Variants in PCSK6 observed in about 807,000 individuals in gnomAD.
PCSK6 encodes the protein paired basic amino acid cleaving enzyme 4.
In PCSK6, 85 loss-of-function variants were observed where a neutral mutation model predicts 123.3. The observed-to-expected ratio is 0.69, with a 90% CI of 0.58 to 0.83. The LOEUF (loss-of-function observed/expected upper bound fraction) is 0.83, where lower values mean the gene tolerates loss of function less well. PCSK6 is among the 40% of genes least tolerant of loss of function. The pLI, the probability that PCSK6 is intolerant of heterozygous loss-of-function variation, is 0.00. For missense variants in PCSK6, 1,191 were observed against 1,282.3 expected (o/e 0.93, Z 1.09); for synonymous variants, 508 against 516.0 (o/e 0.98, Z 0.21).
At position 101,305,050 on chromosome 15, in the gene PCSK6, A is replaced by G. The variant is rs1370135762; in HGVS notation, c.*208T>C. Reference sequence around the variant, plus strand: ...TGTCGGAAGACTGGAGCCAACAAGCAGCATTTGAGAGGATATCACCATTTT... The same window carrying G: ...TGTCGGAAGACTGGAGCCAACAAGCGGCATTTGAGAGGATATCACCATTTT... On this transcript the variant is annotated 3_prime_UTR_variant, in exon 22 of 22. Transcript: ENST00000611716. The surrounding 1 kb of genome is among the most constrained non-coding windows in gnomAD (Gnocchi z 4.8). The G allele has an allele frequency of 3.7e-6, 2 of 539,940 alleles. No homozygotes were observed. The highest frequency in any genetic ancestry group is 3.0e-5 in the East Asian group (1 of 33,592). 33.4% of individuals were successfully genotyped at this position (539,940 alleles called of 1,614,324 possible).
intron 12 of PCSK6, 62 bp from the exon 13 acceptor site, chr15:101,366,394 G>C (rs1386183567): frequency 7.8e-6 from 12 of 1,539,190 alleles, no homozygotes; most frequent in Non-Finnish European, 2.6e-6. Context: ...GGGCGGAGGG[G>C]CTGGCACAAG....
chr15:101,354,466 A>G (rs1158210166), intron 13 of PCSK6, among the ~76,000 whole-genome samples: 1 of 152,276 alleles, frequency 6.6e-6, no homozygotes, highest in Non-Finnish European at 1.5e-5. Context: ...ACAAAGTGTA[A>G]AATCCCTGTC....
chr15:101,358,303 A>G (rs2041106720), intron 13 of PCSK6, among the ~76,000 whole-genome samples: 1 of 152,104 alleles, frequency 6.6e-6, no homozygotes, highest in Non-Finnish European at 1.5e-5. Flanking sequence ...TGCTACTAAG[A>G]TAAAAAAAAA....
chr15:101,336,439 T>C (rs2040479482), intron 13 of PCSK6, among the ~76,000 whole-genome samples: 1 of 152,206 alleles, frequency 6.6e-6, no homozygotes. Flanking sequence ...ACGTCACATG[T>C]CACACGTCAA....
intron 13 of PCSK6, chr15:101,347,190 ATC>A: frequency 8.1e-7 from 1 of 1,231,760 alleles, no homozygotes; most frequent in Non-Finnish European, 1.0e-6. Context: ...TGTGCTTTAA[ATC>A]TGTCTTCCTT....
rs145266127 is a variant in PCSK6, at chr15:101,362,246, A to G, written c.1858+3950T>C. Reference sequence around the variant, plus strand: ...GCTGGAATTACAGGCATGAGCCACCATGCCCAGCCCAAAGCTATTTACATT... The same window carrying G: ...GCTGGAATTACAGGCATGAGCCACCGTGCCCAGCCCAAAGCTATTTACATT... On this transcript the variant is annotated intron_variant, in intron 13 of 21. Coordinates refer to ENST00000611716, the MANE Select transcript of PCSK6 (RefSeq NM_002570.5). Among the ~76,000 whole-genome samples the G allele has an allele frequency of 7.1e-3, 1,088 of 152,310 alleles. 3 individuals carry two copies. The highest frequency in any genetic ancestry group is 0.011 in the African/African-American group (473 of 41,568).
At chr15:101,409,145 G>A (rs2042864452) in intron 6 of PCSK6, among the ~76,000 whole-genome samples, 1 of 152,224 alleles carries the variant, frequency 6.6e-6, no homozygotes, top group South Asian at 2.1e-4. Flanking sequence ...ATCCTGCCCT[G>A]TGGACTGGCG....
At chr15:101,335,476 C>T (rs1465171548) in intron 13 of PCSK6, among the ~76,000 whole-genome samples, 2 of 152,210 alleles carry the variant, frequency 1.3e-5, no homozygotes, top group African/African-American at 2.4e-5. Flanking sequence ...GTGCATATGA[C>T]GAAGTCTCCC....
At chr15:101,472,808 T>C (rs577429933) in intron 1 of PCSK6, among the ~76,000 whole-genome samples, 21 of 152,250 alleles carry the variant, frequency 1.4e-4, no homozygotes, top group Non-Finnish European at 2.8e-4. Flanking sequence ...TAGTTCTCTG[T>C]AGCCATTGAA....
intron 11 of PCSK6, among the ~76,000 whole-genome samples, chr15:101,375,939 C>G (rs764750030): frequency 6.6e-6 from 1 of 152,150 alleles, no homozygotes; most frequent in South Asian, 2.1e-4. Context: ...GAGGCTGAGG[C>G]AAGACCACTG....
intron 6 of PCSK6, among the ~76,000 whole-genome samples, chr15:101,417,530 A>G (rs1014954554): frequency 6.6e-6 from 1 of 152,248 alleles, no homozygotes; most frequent in Admixed American, 6.5e-5. Flanking sequence ...TCTCTTCTAA[A>G]TAACTCCTGG....
chr15:101,379,606 G>A (rs75242090), intron 11 of PCSK6, among the ~76,000 whole-genome samples: 7,517 of 152,270 alleles, frequency 0.049, 588 homozygotes, highest in African/African-American at 0.16. Flanking sequence ...CATTCAGGAA[G>A]TCCTAGGATT....
At chr15:101,385,599 G>T (rs1031385335) in intron 9 of PCSK6, among the ~76,000 whole-genome samples, 4 of 152,208 alleles carry the variant, frequency 2.6e-5, no homozygotes, top group Non-Finnish European at 5.9e-5. Context: ...ACAACTTTAT[G>T]GCATCTTGGA....
rs556756598 is a variant in PCSK6, at chr15:101,391,542, G to A, written c.1209+1670C>T. On this transcript the variant is annotated intron_variant, in intron 8 of 21. Transcript: ENST00000611716. ...ATACCCTCTTGTTCTGGTGAGAGAT[G>A]CTTTCTTTAGGTTTTACTCCTCTAT... Among the ~76,000 whole-genome samples the A allele has an allele frequency of 9.2e-4, 140 of 152,332 alleles. 1 individual carries two copies. Among genetic ancestry groups the A allele is most frequent in the Non-Finnish European group, 1.7e-3 (114 of 68,036 alleles).
intron 4 of PCSK6, 110 bp from the exon 5 acceptor site, chr15:101,430,173 C>T: frequency 1.3e-6 from 1 of 758,026 alleles, no homozygotes; most frequent in East Asian, 2.6e-5. Flanking sequence ...GGGCTCCTCT[C>T]TTACTATAGC....
intron 4 of PCSK6, among the ~76,000 whole-genome samples, chr15:101,430,638 GT>G (rs2056417278): frequency 6.6e-6 from 1 of 152,148 alleles, no homozygotes; most frequent in Non-Finnish European, 1.5e-5. Context: ...ATGATAAAAG[GT>G]TTCCAGTGTT....
chr15:101,308,138 G>A (rs2039768049), intron 20 of PCSK6: 1 of 152,300 alleles, frequency 6.6e-6, no homozygotes, highest in Admixed American at 6.5e-5. Flanking sequence ...CCGAGTGCTT[G>A]AAGGAGCACG....
chr15:101,344,085 A>T (rs1275489710), intron 13 of PCSK6, among the ~76,000 whole-genome samples: 1 of 151,792 alleles, frequency 6.6e-6, no homozygotes, highest in African/African-American at 2.4e-5. Flanking sequence ...CAAAAAAAAA[A>T]ATAAATAAAT....
In PCSK6 at chr15:101,431,301, G is replaced by A; in HGVS notation, c.657+19C>T. ...CACAGTTGAATATATTTGCATGTCAGTTCCGAGGATTGACTTACATAATTT... is the reference window on the plus strand; with the variant it reads ...CACAGTTGAATATATTTGCATGTCAATTCCGAGGATTGACTTACATAATTT... On this transcript the variant is annotated intron_variant, in intron 4 of 21. Transcript: ENST00000611716. 6.2e-7 allele frequency: 1 copy of A among 1,613,508 alleles called. No homozygotes were observed. The highest frequency in any genetic ancestry group is 8.5e-7 in the Non-Finnish European group (1 of 1,179,456).
Sources: allele counts gnomAD v4.1 joint callset (sites outside exome capture counted in the v4.1 genomes callset), GRCh38; gene constraint gnomAD v4.1.1; non-coding constraint Gnocchi (gnomAD v3.1); transcripts MANE v1.5; gene names NCBI Gene and HGNC (gene_info 2026-07-23, HGNC 2026-07-21).